Variants in TMEM117 observed in about 807,000 individuals in gnomAD.
The protein encoded by TMEM117 is transmembrane protein 117.
TMEM117 carries 27 observed loss-of-function variants against 52.4 expected under a neutral mutation model. The ratio of observed to expected loss-of-function variants is 0.51; its 90% CI spans 0.38 to 0.71. The LOEUF is 0.71. Ranked by LOEUF, TMEM117 falls within the 30% of genes least tolerant of loss-of-function variation. TMEM117 has a pLI of 0.00. For synonymous variants in TMEM117, 215 were observed against 206.3 expected (o/e 1.04, Z -0.36); for missense variants, 556 against 630.5 (o/e 0.88, Z 1.26).
At chr12:44,119,505 C>A (rs1346478226) in intron 3 of TMEM117, among the ~76,000 whole-genome samples, 1 of 152,196 alleles carries the variant, frequency 6.6e-6, no homozygotes, top group Non-Finnish European at 1.5e-5. Flanking sequence ...TCATTCCTAT[C>A]TATCCAAAGG....
At chr12:44,206,956 C>A (rs887454320) in intron 4 of TMEM117, among the ~76,000 whole-genome samples, 2 of 152,218 alleles carry the variant, frequency 1.3e-5, no homozygotes, top group South Asian at 4.1e-4. Flanking sequence ...CATGTACTCC[C>A]TGAACTGAAA....
At chr12:44,030,679 G>A (rs533015246) in intron 3 of TMEM117, among the ~76,000 whole-genome samples, 16 of 152,290 alleles carry the variant, frequency 1.1e-4, no homozygotes, top group East Asian at 5.8e-4. Flanking sequence ...TTATTGGAAC[G>A]CTGAGCTTGT....
intron 3 of TMEM117, among the ~76,000 whole-genome samples, chr12:44,141,488 G>A (rs774452838): frequency 9.2e-5 from 14 of 151,990 alleles, no homozygotes; most frequent in Admixed American, 2.6e-4. Flanking sequence ...GTATCCAGCC[G>A]CCTGTCTCTA....
At chr12:43,986,899 A>G (rs992101040) in intron 3 of TMEM117, among the ~76,000 whole-genome samples, 1 of 152,108 alleles carries the variant, frequency 6.6e-6, no homozygotes, top group Non-Finnish European at 1.5e-5. Context: ...ATTTAAGGCT[A>G]TATTTTTTTA....
rs562075489 is a variant in TMEM117, at chr12:43,915,365, G to A, written c.278-28845G>A. Among the ~76,000 whole-genome samples, 5 of 152,320 alleles carry A rather than the reference G, an allele frequency of 3.3e-5. No homozygotes were observed. The East Asian group carries it at 5.8e-4, about 18-fold the overall frequency. On this transcript the variant is annotated intron_variant, in intron 2 of 7. Coordinates refer to ENST00000266534, the MANE Select transcript of TMEM117 (RefSeq NM_032256.3). Reference sequence around the variant, plus strand: ...CTCCTCTGTGGATCTTGGGCTTCCTGTCTTGAGTCTGGTTCATCAGTCATA... The same window carrying A: ...CTCCTCTGTGGATCTTGGGCTTCCTATCTTGAGTCTGGTTCATCAGTCATA...
intron 6 of TMEM117, among the ~76,000 whole-genome samples, chr12:44,325,226 A>G (rs1951179893): frequency 6.6e-6 from 1 of 152,146 alleles, no homozygotes; most frequent in Non-Finnish European, 1.5e-5. Context: ...TTGTACAACC[A>G]CCTCAGGGGA....
intron 3 of TMEM117, among the ~76,000 whole-genome samples, chr12:43,986,030 A>G (rs1366066503): frequency 6.6e-6 from 1 of 152,226 alleles, no homozygotes; most frequent in Non-Finnish European, 1.5e-5. Context: ...TTATTGGGAA[A>G]GAATCAAAGT....
At chr12:44,120,106 G>T (rs1267373259) in intron 3 of TMEM117, among the ~76,000 whole-genome samples, 1 of 152,158 alleles carries the variant, frequency 6.6e-6, no homozygotes, top group African/African-American at 2.4e-5. Flanking sequence ...CAATTGTCTG[G>T]TGCCCATGAA....
intron 2 of TMEM117, among the ~76,000 whole-genome samples, chr12:43,846,124 T>G (rs1308424781): frequency 6.6e-6 from 1 of 152,090 alleles, no homozygotes; most frequent in Non-Finnish European, 1.5e-5. Flanking sequence ...AACATTGGCT[T>G]TAGGATGTTT....
intron 2 of TMEM117, among the ~76,000 whole-genome samples, chr12:43,917,265 G>A (rs571394640): frequency 6.7e-6 from 1 of 149,308 alleles, no homozygotes; most frequent in African/African-American, 2.4e-5. Context: ...GCGTGCTGTG[G>A]TGGCACGAGC....
At chr12:44,359,127 A>C (rs1415207339) in intron 6 of TMEM117, among the ~76,000 whole-genome samples, 1 of 152,096 alleles carries the variant, frequency 6.6e-6, no homozygotes, top group Non-Finnish European at 1.5e-5. Context: ...AGATGGAATG[A>C]AAGCAAGATT....
intron 2 of TMEM117, among the ~76,000 whole-genome samples, chr12:43,924,525 G>A (rs1007286227): frequency 2.6e-5 from 4 of 152,018 alleles, no homozygotes; most frequent in East Asian, 3.9e-4. Context: ...CAAGTATTTC[G>A]TGCTGTGAAG....
chr12:43,915,799 G>T (rs7965330), intron 2 of TMEM117, among the ~76,000 whole-genome samples: 53 of 151,816 alleles, frequency 3.5e-4, no homozygotes, highest in Non-Finnish European at 3.8e-4. Flanking sequence ...TTTACTGAGT[G>T]TAGTGTTTTC....
At chr12:43,823,596 G>A in the TMEM117 span, among the ~76,000 whole-genome samples, 1 of 151,904 alleles carries the variant, frequency 6.6e-6, no homozygotes, top group Non-Finnish European at 1.5e-5. Flanking sequence ...TGCAACTTCC[G>A]CCTCCCAGGT....
chr12:44,284,212 T>C (rs1417423198), intron 5 of TMEM117, among the ~76,000 whole-genome samples: 1 of 152,052 alleles, frequency 6.6e-6, no homozygotes, highest in Non-Finnish European at 1.5e-5. Flanking sequence ...CTCAGGAGGC[T>C]GAGGCAGGAG....
At chr12:44,210,264 G>T (rs7961986) in intron 4 of TMEM117, among the ~76,000 whole-genome samples, 12 of 151,964 alleles carry the variant, frequency 7.9e-5, no homozygotes, top group African/African-American at 2.7e-4. Context: ...ATGTGCATGT[G>T]TATAACATAC....
At chr12:43,866,241 G>A (rs1289993448) in intron 2 of TMEM117, among the ~76,000 whole-genome samples, 1 of 151,672 alleles carries the variant, frequency 6.6e-6, no homozygotes, top group African/African-American at 2.4e-5. Context: ...GAGGCCAGAA[G>A]ATATCTTTAA....
intron 2 of TMEM117, among the ~76,000 whole-genome samples, chr12:43,906,061 C>T (rs1448048523): frequency 1.3e-5 from 2 of 152,146 alleles, no homozygotes; most frequent in African/African-American, 4.8e-5. Context: ...CTATTATTTT[C>T]TCTATAAAAT....
At chr12:44,331,134 A>G (rs1207609792) in intron 6 of TMEM117, among the ~76,000 whole-genome samples, 3 of 152,010 alleles carry the variant, frequency 2.0e-5, no homozygotes, top group Middle Eastern at 6.8e-3. Flanking sequence ...TAGATCTCCA[A>G]TAAGGGCTTT....
Sources: allele counts gnomAD v4.1 joint callset (sites outside exome capture counted in the v4.1 genomes callset), GRCh38; gene constraint gnomAD v4.1.1; transcripts MANE v1.5; gene names NCBI Gene and HGNC (gene_info 2026-07-23, HGNC 2026-07-21).